The following ISOC1 variants were observed in gnomAD, a reference collection of about 807,000 sequenced individuals.
The protein encoded by ISOC1 is isochorismatase domain containing 1, also known as isochorismatase domain-containing protein 1.
A neutral mutation model predicts 30.0 loss-of-function variants in ISOC1; 33 were observed. The observed-to-expected ratio is 1.10, with a 90% CI of 0.83 to 1.47. The LOEUF (loss-of-function observed/expected upper bound fraction) is 1.47. ISOC1 is among the 40% of genes most tolerant of loss of function. The pLI, the probability that ISOC1 is intolerant of heterozygous loss-of-function variation, is 0.00. For synonymous variants in ISOC1, 178 were observed against 159.8 expected (o/e 1.11, Z -0.86); for missense variants, 372 against 388.0 (o/e 0.96, Z 0.35).
intron 1 of ISOC1, among the ~76,000 whole-genome samples, chr5:129,099,880 G>A (rs1290624152): frequency 1.3e-5 from 2 of 152,186 alleles, no homozygotes; most frequent in South Asian, 4.1e-4. Flanking sequence ...CTGTGTTACA[G>A]ATAAGGAAAT....
At chr5:129,095,315 G>A (rs1404407239) in intron 1 of ISOC1, among the ~76,000 whole-genome samples, 1 of 152,248 alleles carries the variant, frequency 6.6e-6, no homozygotes, top group East Asian at 1.9e-4. Context: ...CCTCGTAGCT[G>A]GTTTCAGCGC....
At chr5:129,099,372 G>A (rs936595514) in intron 1 of ISOC1, among the ~76,000 whole-genome samples, 1 of 152,174 alleles carries the variant, frequency 6.6e-6, no homozygotes, top group Non-Finnish European at 1.5e-5. Context: ...GGCGTCCCTT[G>A]GGGATTTAGA....
At position 129,105,257 on chromosome 5, in the gene ISOC1, G is replaced by A. The variant is rs776355899; in HGVS notation, c.502G>A (p.Val168Ile). 1.1e-5 allele frequency: 17 copies of A among 1,613,828 alleles called. No homozygotes were observed. In the South Asian group the frequency reaches 1.8e-4, roughly 17 times the overall value. ...EQYPKGLGST[V>I]QEIDLTGVKL... ...ATACCCTAAAGGTCTTGGGAGCACG[G>A]TTCAAGAAATTGATTTAACAGGTGT... Residue 168 changes from valine (V) to isoleucine (I), a missense_variant, in exon 3 of 5, where the codon GTT becomes ATT. Val to Ile is a conservative substitution (Grantham distance 29, BLOSUM62 3). Transcript: ENST00000173527.
intron 3 of ISOC1, among the ~76,000 whole-genome samples, chr5:129,106,097 A>C (rs993729016): frequency 1.3e-5 from 2 of 152,196 alleles, no homozygotes. Context: ...AGTAAAGAAG[A>C]AGCCTGTTTT....
At chr5:129,108,510 CTT>C (rs561317009) in intron 4 of ISOC1, among the ~76,000 whole-genome samples, 13 of 143,988 alleles carry the variant, frequency 9.0e-5, no homozygotes, top group Non-Finnish European at 7.7e-5. Flanking sequence ...TAATCCATTT[CTT>C]TTTTTTTTTT....
At chr5:129,107,186 C>G (rs1240699465) in intron 4 of ISOC1, 124 bp downstream of exon 4, 1 of 713,648 alleles carries the variant, frequency 1.4e-6, no homozygotes, top group African/African-American at 1.7e-5. Flanking sequence ...CAATATCAGA[C>G]TAATTGATTT....
rs1554064627 is a variant in ISOC1 at position 129,101,192 on chromosome 5, A to AAAATAT, written c.310-3763_310-3762insAATATA. 5.2e-4 allele frequency among the ~76,000 whole-genome samples: 22 copies of AAAATAT among 42,220 alleles called. 1 individual carries two copies. The highest frequency in any genetic ancestry group is 2.9e-3 in the African/African-American group (16 of 5,448). The allele number at this position is 42,220 out of a possible 152,430, so 27.7% of individuals were successfully genotyped here. A position where few individuals can be genotyped will look rare whatever the true frequency, so the allele number is the denominator to read the frequency against. On this transcript the variant is annotated intron_variant, in intron 1 of 4. Transcript: ENST00000173527. The stretch of plus-strand genomic sequence containing the variant: ...AAAAAAAAAAAAAAAAAAAAAAAAA[A>AAAATAT]ATATATATATATATATGGTTGGGTT...
At chr5:129,100,213 T>C (rs966601841) in intron 1 of ISOC1, among the ~76,000 whole-genome samples, 2 of 150,436 alleles carry the variant, frequency 1.3e-5, no homozygotes, top group East Asian at 2.0e-4. Flanking sequence ...ATTTACAGTT[T>C]CAAATTTTAA....
At position 129,109,785 on chromosome 5, in the gene ISOC1, C is replaced by T. The variant is rs1753682420; in HGVS notation, c.750+2723C>T. ...AATGTTAAGTGTTCTGGTTTGTTTC[C>T]ATAAGTGTGAAAGTTAAAATACCAT... On this transcript the variant is annotated intron_variant, in intron 4 of 4. Coordinates refer to ENST00000173527, the MANE Select transcript of ISOC1 (RefSeq NM_016048.2). Among the ~76,000 whole-genome samples, 3 of 152,196 alleles carry T rather than the reference C, an allele frequency of 2.0e-5. 1 individual carries two copies. In the South Asian group the frequency reaches 6.2e-4, roughly 32 times the overall value.
At chr5:129,103,485 T>C (rs1753595727) in intron 1 of ISOC1, among the ~76,000 whole-genome samples, 1 of 152,310 alleles carries the variant, frequency 6.6e-6, no homozygotes, top group South Asian at 2.1e-4. Context: ...CATTCTAACA[T>C]GAATTTGGTA....
At chr5:129,108,652 T>C (rs73235860) in intron 4 of ISOC1, among the ~76,000 whole-genome samples, 10,090 of 151,992 alleles carry the variant, frequency 0.066, 654 homozygotes, top group African/African-American at 0.17. Flanking sequence ...GCTGGGATTG[T>C]AGGTGCCTGC....
intron 4 of ISOC1, among the ~76,000 whole-genome samples, chr5:129,112,189 C>G (rs1205490022): frequency 6.6e-6 from 1 of 152,110 alleles, no homozygotes; most frequent in African/African-American, 2.4e-5. Context: ...ACAATTATAT[C>G]TGTAGTACAG....
Position 129,113,959 on chromosome 5 carries a change from G to T in ISOC1, c.*958G>T, listed in dbSNP as rs1463127534. The T allele has an allele frequency of 2.6e-5, 4 of 152,068 alleles. No homozygotes were observed. Among genetic ancestry groups the T allele is most frequent in the Non-Finnish European group, 4.4e-5 (3 of 68,008 alleles). The allele number at this position is 152,068 out of a possible 1,614,324, so 9.4% of individuals were successfully genotyped here. Reference sequence around the variant, plus strand: ...ATTTTCATTAAATACTTGTTAGAGGGTTTTGAAATGTTTTTCAAATATGTG... The same window carrying T: ...ATTTTCATTAAATACTTGTTAGAGGTTTTTGAAATGTTTTTCAAATATGTG... On this transcript the variant is annotated 3_prime_UTR_variant, in exon 5 of 5. Coordinates refer to ENST00000173527, the MANE Select transcript of ISOC1 (RefSeq NM_016048.2).
intron 1 of ISOC1, among the ~76,000 whole-genome samples, chr5:129,097,939 A>G (rs1753525801): frequency 6.6e-6 from 1 of 152,100 alleles, no homozygotes; most frequent in African/African-American, 2.4e-5. Flanking sequence ...CGGTGAGTCC[A>G]TGTTACTGGG....
At chr5:129,101,372 T>G (rs886532722) in intron 1 of ISOC1, among the ~76,000 whole-genome samples, 6 of 151,632 alleles carry the variant, frequency 4.0e-5, no homozygotes, top group African/African-American at 7.3e-5. Context: ...GGTGCACGCC[T>G]GTAATCCCGG....
Position 129,114,020 on chromosome 5 carries a change from TAAAG to T in ISOC1, c.*1023_*1026del, listed in dbSNP as rs1753742438. On this transcript the variant is annotated 3_prime_UTR_variant, in exon 5 of 5. Transcript: ENST00000173527. ...CTGCTGTCTTTTATATTAAAGTAAT[TAAAG>T]AAAATGTATTGTGATTGAAATTATT... The T allele has an allele frequency of 6.6e-6, 1 of 152,170 alleles. No individual in the cohort carries two copies. The highest frequency in any genetic ancestry group is 1.9e-4 in the East Asian group (1 of 5,194). 9.4% of individuals were successfully genotyped at this position (152,170 alleles called of 1,614,324 possible).
At chr5:129,100,680 G>T (rs938227590) in intron 1 of ISOC1, among the ~76,000 whole-genome samples, 12 of 152,044 alleles carry the variant, frequency 7.9e-5, no homozygotes, top group African/African-American at 2.7e-4. Flanking sequence ...TTACCTTAAA[G>T]ATTTTGGTTT....
At chr5:129,100,390 T>C (rs1043771670) in intron 1 of ISOC1, among the ~76,000 whole-genome samples, 10 of 152,156 alleles carry the variant, frequency 6.6e-5, no homozygotes, top group African/African-American at 2.4e-4. Context: ...AGCCATTGGC[T>C]ATGATCAACT....
chr5:129,098,626 G>A (rs952572914), intron 1 of ISOC1, among the ~76,000 whole-genome samples: 2 of 152,108 alleles, frequency 1.3e-5, no homozygotes, highest in Non-Finnish European at 2.9e-5. Context: ...GAAGAGAGGA[G>A]GAAATGGACA....
Sources: allele counts gnomAD v4.1 joint callset (sites outside exome capture counted in the v4.1 genomes callset), GRCh38; gene constraint gnomAD v4.1.1; transcripts MANE v1.5; gene names NCBI Gene and HGNC (gene_info 2026-07-23, HGNC 2026-07-21).